Variants in KDM4C observed in about 807,000 individuals in gnomAD.
KDM4C encodes lysine-specific demethylase 4C.
A neutral mutation model predicts 129.3 loss-of-function variants in KDM4C; 81 were observed. The ratio of observed to expected loss-of-function variants is 0.63; its 90% CI spans 0.52 to 0.75. KDM4C has a LOEUF of 0.75. Among genes scored for constraint, KDM4C ranks in the 30% least tolerant of loss-of-function variants. KDM4C has a pLI of 0.00. For synonymous variants in KDM4C, 573 were observed against 456.1 expected, an observed-to-expected ratio of 1.26 and a Z score of -3.26; for missense variants, 1,457 against 1,304.0, an observed-to-expected ratio of 1.12 and a Z score of -1.81.
At chr9:6,985,887 C>T (rs752705566) in intron 10 of KDM4C, among the ~76,000 whole-genome samples, 7 of 152,264 alleles carry the variant, frequency 4.6e-5, no homozygotes, top group South Asian at 2.1e-4. Context: ...GCTGGGGTTT[C>T]GCCGTGTTGG....
At chr9:6,916,310 A>C (rs1352853799) in intron 8 of KDM4C, among the ~76,000 whole-genome samples, 2 of 152,128 alleles carry the variant, frequency 1.3e-5, no homozygotes, top group Non-Finnish European at 2.9e-5. Context: ...TAAACTTCTG[A>C]AGGACAGTGG....
At chr9:6,857,356 A>T (rs376569157) in intron 5 of KDM4C, among the ~76,000 whole-genome samples, 19 of 152,352 alleles carry the variant, frequency 1.2e-4, no homozygotes, top group African/African-American at 4.6e-4. Flanking sequence ...ATATACCAAA[A>T]AGTATGGTAT....
chr9:6,989,910 G>A (rs1338534447), intron 11 of KDM4C, among the ~76,000 whole-genome samples: 1 of 151,396 alleles, frequency 6.6e-6, no homozygotes, highest in African/African-American at 2.4e-5. Context: ...GAGGACCTGG[G>A]ACCACAGGCA....
Position 7,128,199 on chromosome 9 carries a change from G to T in KDM4C, c.2744G>T (p.Gly915Val). 6.2e-7 allele frequency: 1 copy of T among 1,607,894 alleles called. No individual in the cohort carries two copies. The highest frequency in any genetic ancestry group is 8.5e-7 in the Non-Finnish European group (1 of 1,177,230). Residue 915 changes from glycine (G) to valine (V), a missense_variant, in exon 19 of 22, where the codon GGC becomes GTC. Physicochemically the swap from Gly to Val is moderately radical, Grantham distance 109. Coordinates refer to ENST00000381309, the MANE Select transcript of KDM4C (RefSeq NM_015061.6). ...QTFYEVMFDD[G>V]SFSRDTFPED... Reference sequence around the variant, plus strand: ...TTCTATGAGGTCATGTTTGATGATGGCTCCTTTAGCAGAGACACATTTCCT... The same window carrying T: ...TTCTATGAGGTCATGTTTGATGATGTCTCCTTTAGCAGAGACACATTTCCT...
chr9:6,893,049 A>T, intron 7 of KDM4C, 46 bp from the exon 8 acceptor site: 1 of 1,342,954 alleles, frequency 7.4e-7, no homozygotes, highest in South Asian at 1.9e-5. Context: ...TTCATAATTT[A>T]GGAAGTCTTA....
chr9:6,920,171 A>T (rs1406645491), intron 8 of KDM4C, among the ~76,000 whole-genome samples: 1 of 151,934 alleles, frequency 6.6e-6, no homozygotes, highest in African/African-American at 2.4e-5. Context: ...GGTGCTGGTG[A>T]TTGTTTGGGG....
intron 19 of KDM4C, among the ~76,000 whole-genome samples, chr9:7,160,795 A>G (rs1843703164): frequency 6.6e-6 from 1 of 152,184 alleles, no homozygotes; most frequent in Non-Finnish European, 1.5e-5. Context: ...TCAGGGACCC[A>G]CCTGAGGAGG....
intron 7 of KDM4C, among the ~76,000 whole-genome samples, chr9:6,892,435 G>T (rs977263169): frequency 7.9e-5 from 12 of 152,056 alleles, no homozygotes; most frequent in Admixed American, 2.0e-4. Flanking sequence ...AATAGAAACA[G>T]GGTAAATACA....
At chr9:6,900,051 T>A (rs1182096465) in intron 8 of KDM4C, among the ~76,000 whole-genome samples, 1 of 152,254 alleles carries the variant, frequency 6.6e-6, no homozygotes, top group African/African-American at 2.4e-5. Context: ...TAATAATATT[T>A]GACATTGTCT....
intron 7 of KDM4C, among the ~76,000 whole-genome samples, chr9:6,889,211 T>TTTTTTGTGTGTGTGTG (rs766335055): frequency 3.2e-5 from 2 of 61,616 alleles, no homozygotes; most frequent in African/African-American, 1.3e-4. Flanking sequence ...GGCCTTCTTT[T>TTTTTTGTGTGTGTGTG]TGTGTGTGTG....
intron 19 of KDM4C, among the ~76,000 whole-genome samples, chr9:7,142,722 C>T (rs1222251526): frequency 6.6e-6 from 1 of 152,108 alleles, no homozygotes; most frequent in Non-Finnish European, 1.5e-5. Context: ...ATACCCATGG[C>T]TGGCTAAAGT....
intron 8 of KDM4C, among the ~76,000 whole-genome samples, chr9:6,950,870 C>A (rs1034302285): frequency 6.6e-6 from 1 of 152,138 alleles, no homozygotes; most frequent in African/African-American, 2.4e-5. Context: ...GAGTTAAAAT[C>A]TCAGATCCTT....
chr9:7,104,129 A>C, intron 18 of KDM4C: 1 of 412,648 alleles, frequency 2.4e-6, no homozygotes, highest in Non-Finnish European at 4.5e-6. Context: ...CATGCAGAAA[A>C]CTCTCCATGC....
chr9:6,934,207 C>T (rs1435570938), intron 8 of KDM4C, among the ~76,000 whole-genome samples: 2 of 151,716 alleles, frequency 1.3e-5, no homozygotes, highest in Admixed American at 6.6e-5. Flanking sequence ...TGGGGCTGGG[C>T]GCGGGGTCTC....
chr9:6,833,331 A>G (rs1588579473), intron 4 of KDM4C, among the ~76,000 whole-genome samples: 1 of 152,070 alleles, frequency 6.6e-6, no homozygotes, highest in Admixed American at 6.6e-5. Context: ...CTTGACAGGG[A>G]GTCTTTTAAA....
intron 17 of KDM4C, among the ~76,000 whole-genome samples, chr9:7,082,049 G>A (rs1347155147): frequency 2.0e-5 from 3 of 152,124 alleles, no homozygotes; most frequent in African/African-American, 7.2e-5. Flanking sequence ...GCATCATGGT[G>A]GCCCTGAGAA....
At chr9:7,101,266 T>C (rs1837054478) in intron 17 of KDM4C, among the ~76,000 whole-genome samples, 1 of 152,212 alleles carries the variant, frequency 6.6e-6, no homozygotes, top group Non-Finnish European at 1.5e-5. Context: ...TAGATGTCTT[T>C]AACCTACTAG....
chr9:6,834,912 T>C (rs568157192), intron 4 of KDM4C: 42 of 1,200,052 alleles, frequency 3.5e-5, no homozygotes, highest in Middle Eastern at 3.8e-4. Flanking sequence ...GGTACCGTGA[T>C]GGACTCCGGT....
At chr9:7,065,166 T>C (rs1832253285) in intron 17 of KDM4C, among the ~76,000 whole-genome samples, 1 of 152,120 alleles carries the variant, frequency 6.6e-6, no homozygotes, top group Admixed American at 6.6e-5. Context: ...TGAAAATGAG[T>C]TTATTTCGGA....
Sources: allele counts gnomAD v4.1 joint callset (sites outside exome capture counted in the v4.1 genomes callset), GRCh38; gene constraint gnomAD v4.1.1; transcripts MANE v1.5; gene names NCBI Gene and HGNC (gene_info 2026-07-23, HGNC 2026-07-21).